EIF4G3: variants seen among roughly 807,000 people sequenced by gnomAD.
EIF4G3 encodes eIF-4-gamma 3.
EIF4G3 carries 34 observed loss-of-function variants against 186.4 expected under a neutral mutation model. The observed-to-expected ratio is 0.18, with a 90% CI of 0.14 to 0.24. The LOEUF is 0.24. Ranked by LOEUF, EIF4G3 falls within the 10% of genes least tolerant of loss-of-function variation. The pLI is 1.00. For synonymous variants in EIF4G3, 673 were observed against 679.5 expected (o/e 0.99, Z 0.15); for missense variants, 1,536 against 1,948.5 (o/e 0.79, Z 3.99).
intron 4 of EIF4G3, among the ~76,000 whole-genome samples, chr1:21,024,170 G>C (rs2091571619): frequency 6.6e-6 from 1 of 151,520 alleles, no homozygotes; most frequent in African/African-American, 2.4e-5. Context: ...GGGAGGTGGG[G>C]GGGGGTCAGC....
At chr1:20,864,814 C>T (rs780420611) in intron 21 of EIF4G3, 102 bp from the exon 22 acceptor site, 1 of 1,071,880 alleles carries the variant, frequency 9.3e-7, no homozygotes, top group Admixed American at 2.1e-5. Context: ...AATCTGATAG[C>T]AAGTGTAGAA....
intron 3 of EIF4G3, among the ~76,000 whole-genome samples, chr1:21,088,035 G>A (rs929763762): frequency 6.6e-6 from 1 of 152,026 alleles, no homozygotes; most frequent in African/African-American, 2.4e-5. Flanking sequence ...GTTCAAGGCT[G>A]CAGTAATCCA....
At chr1:20,946,410 T>G (rs1392235032) in intron 13 of EIF4G3, among the ~76,000 whole-genome samples, 1 of 152,222 alleles carries the variant, frequency 6.6e-6, no homozygotes. Context: ...GCAAAAATTT[T>G]AATTCATTCA....
chr1:20,942,288 G>T lies in EIF4G3; in HGVS notation c.866C>A (p.Pro289Gln). The T allele has an allele frequency of 6.2e-7, 1 of 1,603,024 alleles. No homozygotes were observed. Reference sequence around the variant, plus strand: ...TCCACTGAGGACTAGCCTAAGGACTGGGGAAGGAGACTTTAACACTGGATC... The same window carrying T: ...TCCACTGAGGACTAGCCTAAGGACTTGGGAAGGAGACTTTAACACTGGATC... ...KPDPVLKSPS[P>Q]VLRLVLSGEK... The change falls in exon 14 of 37, where the codon CCA becomes CAA. Residue 289 changes from proline (P) to glutamine (Q), a missense_variant. By Grantham distance (76) the Pro-to-Gln change is moderately conservative. Around this residue, in one of 11 missense-constraint regions of EIF4G3, gnomAD observed 560 missense variants for 547.8 expected, o/e 1.02. Coordinates refer to ENST00000602326, the MANE Select transcript of EIF4G3 (RefSeq NM_001391906.1).
chr1:20,825,278 T>G lies in EIF4G3; in HGVS notation c.4270-80A>C, dbSNP rs1287505775. 9 of 1,127,942 alleles carry G rather than the reference T, an allele frequency of 8.0e-6. No homozygotes were observed. In the East Asian group the frequency reaches 2.0e-4, roughly 25 times the overall value. The allele number at this position is 1,127,942 out of a possible 1,614,324, so 69.9% of individuals were successfully genotyped here. A position where few individuals can be genotyped will look rare whatever the true frequency, so the allele number is the denominator to read the frequency against. The stretch of plus-strand genomic sequence containing the variant: ...AAAAAAAAAAAAAAAAAAGATTTGC[T>G]TGAAGTCAAACAGTGCAAACCCCAA... On this transcript the variant is annotated intron_variant, in intron 32 of 36. Transcript: ENST00000602326.
At chr1:21,097,952 T>C (rs1055287481) in intron 2 of EIF4G3, among the ~76,000 whole-genome samples, 13 of 151,694 alleles carry the variant, frequency 8.6e-5, no homozygotes, top group East Asian at 3.9e-4. Flanking sequence ...AAAAAAAAAA[T>C]TGATATGACC....
chr1:21,033,760 A>G (rs2092944399), intron 4 of EIF4G3, among the ~76,000 whole-genome samples: 1 of 152,172 alleles, frequency 6.6e-6, no homozygotes, highest in Non-Finnish European at 1.5e-5. Context: ...GAACATCGGG[A>G]ATACTGTATG....
intron 4 of EIF4G3, among the ~76,000 whole-genome samples, chr1:21,037,391 G>T (rs2093293944): frequency 6.6e-6 from 1 of 152,170 alleles, no homozygotes; most frequent in Admixed American, 6.5e-5. Context: ...ATGGGGGGAA[G>T]CAGTTTGGCT....
Position 20,942,093 on chromosome 1 carries a change from T to C in EIF4G3, c.1061A>G (p.Asp354Gly). The change falls in exon 14 of 37, where the codon GAT becomes GGT. Residue 354 changes from aspartate (D) to glycine (G), a missense_variant. This residue lies in a region of EIF4G3 where 560 missense variants were observed against 547.8 expected (regional missense o/e 1.02). Coordinates refer to ENST00000602326, the MANE Select transcript of EIF4G3 (RefSeq NM_001391906.1). Reference protein sequence around the residue: ...SSQPIFTTAIDDRCELSSPRE... With the variant: ...SSQPIFTTAIGDRCELSSPRE... ...TGGGGATGAGAGTTCACATCTGTCATCTATAGCAGTGGTGAATATTGGTTG... is the reference window on the plus strand; with the variant it reads ...TGGGGATGAGAGTTCACATCTGTCACCTATAGCAGTGGTGAATATTGGTTG... 2 of 1,614,194 alleles carry C rather than the reference T, an allele frequency of 1.2e-6. No individual in the cohort carries two copies. Among genetic ancestry groups the C allele is most frequent in the Non-Finnish European group, 1.7e-6 (2 of 1,180,022 alleles).
chr1:20,977,984 A>G (rs1210611234), intron 10 of EIF4G3, among the ~76,000 whole-genome samples: 1 of 152,198 alleles, frequency 6.6e-6, no homozygotes, highest in African/African-American at 2.4e-5. Context: ...AGACATCTTT[A>G]AAAATGATGT....
At chr1:20,980,940 C>A in intron 9 of EIF4G3, 108 bp downstream of exon 9, 2 of 869,566 alleles carry the variant, frequency 2.3e-6, no homozygotes, top group South Asian at 3.4e-5. Context: ...ACAGTTCACA[C>A]GTCACCGAAA....
rs566843483 is a variant in EIF4G3 at position 21,162,294 on chromosome 1, T to C, written c.-272+13881A>G. ...GGAGAAACCCCGTCTCTACTAAAAA[T>C]ACAAATTGGCCAGGTGTGGTGGTGG... is the stretch of plus-strand genomic sequence containing the variant. On this transcript the variant is annotated intron_variant, in intron 2 of 36. Coordinates refer to ENST00000602326, the MANE Select transcript of EIF4G3 (RefSeq NM_001391906.1). 4.0e-5 allele frequency among the ~76,000 whole-genome samples: 6 copies of C among 151,782 alleles called. No individual in the cohort carries two copies. In the South Asian group the frequency reaches 1.3e-3, roughly 32 times the overall value.
At chr1:21,128,116 A>T (rs994744599) in intron 2 of EIF4G3, among the ~76,000 whole-genome samples, 9 of 151,804 alleles carry the variant, frequency 5.9e-5, no homozygotes, top group African/African-American at 2.2e-4. Context: ...CTGAGGCAGG[A>T]GAATGGTGTG....
intron 2 of EIF4G3, among the ~76,000 whole-genome samples, chr1:21,141,389 G>GTT (rs919588730): frequency 6.7e-6 from 1 of 148,726 alleles, no homozygotes; most frequent in Non-Finnish European, 1.5e-5. Context: ...GTGTGTGTGT[G>GTT]TGTGTGTGTA....
chr1:21,005,858 A>G (rs1188983910), intron 4 of EIF4G3, among the ~76,000 whole-genome samples: 1 of 152,208 alleles, frequency 6.6e-6, no homozygotes, highest in Non-Finnish European at 1.5e-5. Context: ...TTAAAAAATA[A>G]AAATCTAGTA....
At position 21,141,337 on chromosome 1, in the gene EIF4G3, T is replaced by C. The variant is rs571041133; in HGVS notation, c.-272+34838A>G. Among the ~76,000 whole-genome samples the C allele has an allele frequency of 1.4e-3, 209 of 151,960 alleles. 1 individual carries two copies. Among genetic ancestry groups the C allele is most frequent in the African/African-American group, 4.4e-3 (181 of 41,434 alleles). On this transcript the variant is annotated intron_variant, in intron 2 of 36. Transcript: ENST00000602326. ...CTGTGGGATAGCATGTGTGTTTGAATTGAACATTACCATTTCTATTTGAGA... is the reference window on the plus strand; with the variant it reads ...CTGTGGGATAGCATGTGTGTTTGAACTGAACATTACCATTTCTATTTGAGA...
chr1:21,116,270 G>A (rs996763398), intron 2 of EIF4G3, among the ~76,000 whole-genome samples: 1 of 152,060 alleles, frequency 6.6e-6, no homozygotes, highest in Non-Finnish European at 1.5e-5. Flanking sequence ...TCCCTTCTTA[G>A]AATATGTGAC....
chr1:21,015,465 A>G (rs145611985), intron 4 of EIF4G3, among the ~76,000 whole-genome samples: 1 of 152,326 alleles, frequency 6.6e-6, no homozygotes, highest in East Asian at 1.9e-4. Flanking sequence ...ACATGGAAAC[A>G]CATATTCAAA....
At chr1:21,174,750 C>G (rs1339984475) in intron 2 of EIF4G3, 1 of 152,178 alleles carries the variant, frequency 6.6e-6, no homozygotes, top group Non-Finnish European at 1.5e-5. Flanking sequence ...ACCACACTTT[C>G]TCATCGGTGA....
Sources: gnomAD v4.1 joint callset for allele counts (sites outside exome capture counted in the v4.1 genomes callset) on GRCh38, gnomAD v4.1.1 for gene constraint, gnomAD v4.1.1 regional missense constraint, MANE v1.5 for transcripts, NCBI Gene and HGNC (gene_info 2026-07-23, HGNC 2026-07-21) for gene names.